KIF15: variants seen among roughly 807,000 people sequenced by gnomAD.
KIF15 encodes the protein kinesin family member 15, also known as kinesin-like protein KIF15.
In KIF15, 140 loss-of-function variants were observed where a neutral mutation model predicts 190.6. That is an observed-to-expected ratio of 0.73 (90% CI 0.64 to 0.84). KIF15 has a LOEUF of 0.84. KIF15 is among the 40% of genes least tolerant of loss of function. The pLI, the probability that KIF15 is intolerant of heterozygous loss-of-function variation, is 0.00. For synonymous variants in KIF15, 528 were observed against 551.3 expected (o/e 0.96, Z 0.59); for missense variants, 1,372 against 1,584.4 (o/e 0.87, Z 2.28).
Position 44,812,947 on chromosome 3 carries a change from T to A in KIF15, c.2278-128T>A, listed in dbSNP as rs149646864. 6.9e-3 allele frequency: 3,728 copies of A among 540,956 alleles called. 92 individuals carry two copies. The highest frequency in any genetic ancestry group is 0.062 in the African/African-American group (3,077 of 49,452). The allele number at this position is 540,956 out of a possible 1,614,324, so 33.5% of individuals were successfully genotyped here. On this transcript the variant is annotated intron_variant, in intron 18 of 34. Transcript: ENST00000326047. ...TTGAAGTGAGCCGAGGTCGCATCAC[T>A]GCACTCCAGCCTGGGTGACAGAGCA... is the stretch of plus-strand genomic sequence containing the variant.
At chr3:44,794,942 A>T (rs1180599782) in intron 8 of KIF15, among the ~76,000 whole-genome samples, 1 of 152,114 alleles carries the variant, frequency 6.6e-6, no homozygotes, top group Non-Finnish European at 1.5e-5. Flanking sequence ...AGTCTGGGTG[A>T]CAGAGAGAGA....
intron 24 of KIF15, 31 bp downstream of exon 24, chr3:44,828,331 T>G (rs370618640): frequency 3.4e-6 from 5 of 1,464,048 alleles, no homozygotes; most frequent in Admixed American, 1.7e-5. Flanking sequence ...CATCTCTCTG[T>G]GCATTTTCTT....
intron 19 of KIF15, among the ~76,000 whole-genome samples, chr3:44,814,379 G>A (rs564800264): frequency 6.6e-6 from 1 of 152,032 alleles, no homozygotes; most frequent in African/African-American, 2.4e-5. Context: ...GTGCAATCTC[G>A]GCTCACTGTA....
In KIF15 at chr3:44,829,808, T is replaced by C. The variant is rs558004389; in HGVS notation, c.2944-163T>C. 3.5e-3 allele frequency among the ~76,000 whole-genome samples: 507 copies of C among 144,800 alleles called. 1 individual carries two copies. Among genetic ancestry groups the C allele is most frequent in the African/African-American group, 0.012 (492 of 39,716 alleles). The allele number at this position is 144,800 out of a possible 152,430, so 95.0% of individuals were successfully genotyped here. ...ATAATATATGCATATATAATATATG[T>C]ATATATATTATATATATAAATTGAT... On this transcript the variant is annotated intron_variant, in intron 24 of 34. Transcript: ENST00000326047.
chr3:44,863,326 C>T (rs1242391431), intron 6 of KIF15: 13 of 144,728 alleles, frequency 9.0e-5, no homozygotes, highest in African/African-American at 3.3e-4. Context: ...GCCTTGTCTC[C>T]AGGCAGGTTT....
At chr3:44,866,045 GT>G (rs939593217) in intron 6 of KIF15, among the ~76,000 whole-genome samples, 4 of 147,398 alleles carry the variant, frequency 2.7e-5, no homozygotes, top group African/African-American at 9.9e-5. Flanking sequence ...TTCCCCTTTG[GT>G]TTTTTTTTGT....
chr3:44,862,392 C>G (rs1699267929), intron 6 of KIF15: 1 of 154,488 alleles, frequency 6.5e-6, no homozygotes, highest in Admixed American at 6.5e-5. Context: ...GGCCTCTTCC[C>G]TTACCAGGGA....
intron 24 of KIF15, 85 bp downstream of exon 24, chr3:44,828,385 C>A: frequency 1.1e-6 from 1 of 878,762 alleles, no homozygotes; most frequent in Non-Finnish European, 1.9e-6. Context: ...TCTTCTTGCA[C>A]CTCCAGGGTG....
At chr3:44,835,193 C>T (rs887311147) in intron 26 of KIF15, among the ~76,000 whole-genome samples, 4 of 151,958 alleles carry the variant, frequency 2.6e-5, no homozygotes, top group Non-Finnish European at 1.5e-5. Context: ...AAGACCCTGT[C>T]GTTTTAGAAA....
chr3:44,834,102 G>A (rs563659859), intron 26 of KIF15, among the ~76,000 whole-genome samples: 41 of 151,942 alleles, frequency 2.7e-4, no homozygotes, highest in South Asian at 1.0e-3. Flanking sequence ...TTTAAATATC[G>A]TATTTTAGAT....
rs139073224 is a variant in KIF15, at chr3:44,845,147, G to A, written c.3695+1913G>A. On this transcript the variant is annotated intron_variant, in intron 30 of 34. Coordinates refer to ENST00000326047, the MANE Select transcript of KIF15 (RefSeq NM_020242.3). Reference sequence around the variant, plus strand: ...AATAAGATTGTCTCTCAGAAATACCGTAAAGTACATAGCCACTACCATGAA... The same window carrying A: ...AATAAGATTGTCTCTCAGAAATACCATAAAGTACATAGCCACTACCATGAA... Among the ~76,000 whole-genome samples the A allele has an allele frequency of 3.9e-5, 6 of 152,266 alleles. No homozygotes were observed. In the East Asian group the frequency reaches 9.6e-4, roughly 24 times the overall value.
At chr3:44,803,325 A>G (rs1317431929) in intron 14 of KIF15, among the ~76,000 whole-genome samples, 1 of 152,224 alleles carries the variant, frequency 6.6e-6, no homozygotes, top group East Asian at 1.9e-4. Context: ...TAACTAATCA[A>G]ACGTGAATAA....
Position 44,775,282 on chromosome 3 carries a change from G to A in KIF15, c.91G>A (p.Val31Met). 6.2e-7 allele frequency: 1 copy of A among 1,613,394 alleles called. No individual in the cohort carries two copies. The highest frequency in any genetic ancestry group is 8.5e-7 in the Non-Finnish European group (1 of 1,179,724). ...SNEGDAIKVF[V>M]RIRPPAERSG... ...TGAAGGTGATGCCATCAAAGTTTTT[G>A]TGCGAATTCGTCCTCCTGCAGAAAG... The change falls in exon 3 of 35, where the codon GTG (valine) becomes ATG (methionine). Residue 31 changes from valine to methionine, a missense_variant. Val to Met is a conservative substitution (Grantham distance 21). Transcript: ENST00000326047.
At chr3:44,858,600 T>G (rs2125736803) in intron 6 of KIF15, among the ~76,000 whole-genome samples, 1 of 152,274 alleles carries the variant, frequency 6.6e-6, no homozygotes, top group South Asian at 2.1e-4. Flanking sequence ...GATGTGGCTG[T>G]AGTCCAGGAA....
chr3:44,775,460 C>CTTT, intron 3 of KIF15, 23 bp downstream of exon 3: 42 of 1,343,322 alleles, frequency 3.1e-5, no homozygotes, highest in Non-Finnish European at 3.3e-5. Context: ...AGAAACTTAA[C>CTTT]TTTTTTTTTT....
rs1300967040 is a variant in KIF15, at chr3:44,797,826, T to C, written c.976-8T>C. 1.2e-6 allele frequency: 2 copies of C among 1,611,126 alleles called. No homozygotes were observed. Among genetic ancestry groups the C allele is most frequent in the African/African-American group, 1.3e-5 (1 of 74,902 alleles). ...ACCGAAAATATGTTCATTCCTATCA[T>C]TAAACAGGATTCCCTTGGAGGTAAT... On this transcript the variant is annotated splice_polypyrimidine_tract_variant and splice_region_variant and intron_variant, in intron 9 of 34. Transcript: ENST00000326047.
At chr3:44,782,131 C>T (rs184671497) in intron 5 of KIF15, among the ~76,000 whole-genome samples, 1 of 152,210 alleles carries the variant, frequency 6.6e-6, no homozygotes, top group Non-Finnish European at 1.5e-5. Flanking sequence ...CTCACTGCAA[C>T]CTTTGCCTCC....
intron 26 of KIF15, among the ~76,000 whole-genome samples, chr3:44,836,905 T>C (rs1385653183): frequency 2.0e-5 from 3 of 151,804 alleles, no homozygotes; most frequent in Non-Finnish European, 4.4e-5. Context: ...GGAAAAGGAG[T>C]TGGTTAACAG....
intron 6 of KIF15, among the ~76,000 whole-genome samples, chr3:44,861,320 CAGG>C (rs1343169163): frequency 6.6e-6 from 1 of 152,250 alleles, no homozygotes; most frequent in African/African-American, 2.4e-5. Flanking sequence ...GTAAGTATAA[CAGG>C]AGATTAGAAG....
Sources: gnomAD v4.1 joint callset for allele counts (sites outside exome capture counted in the v4.1 genomes callset) on GRCh38, gnomAD v4.1.1 for gene constraint, MANE v1.5 for transcripts, NCBI Gene and HGNC (gene_info 2026-07-23, HGNC 2026-07-21) for gene names.